Variants in PCLO observed in about 807,000 individuals in gnomAD.
The protein encoded by PCLO is piccolo presynaptic cytomatrix protein.
Under a neutral mutation model 427.5 loss-of-function variants are expected in PCLO, and 82 were observed. That is an observed-to-expected ratio of 0.19 (90% CI 0.16 to 0.23). The LOEUF is 0.23. Among genes scored for constraint, PCLO ranks in the 10% least tolerant of loss-of-function variants. The pLI, the probability that PCLO is intolerant of heterozygous loss-of-function variation, is 1.00. For missense variants in PCLO, 6,239 were observed against 6,115.9 expected, an observed-to-expected ratio of 1.02 and a Z score of -0.67; for synonymous variants, 2,357 against 2,155.4, an observed-to-expected ratio of 1.09 and a Z score of -2.59.
At chr7:82,946,963 A>C (rs2116405059) in intron 6 of PCLO, among the ~76,000 whole-genome samples, 1 of 152,312 alleles carries the variant, frequency 6.6e-6, no homozygotes. Flanking sequence ...TAGCCACAGG[A>C]AGTAAATCCA....
In PCLO at chr7:82,955,165, C is replaced by T. The variant is rs865949399; in HGVS notation, c.5788G>A (p.Ala1930Thr). The T allele has an allele frequency of 6.2e-7, 1 of 1,613,760 alleles. No homozygotes were observed. The highest frequency in any genetic ancestry group is 1.7e-5 in the Admixed American group (1 of 60,010). ...EMMHKTHKYK[A>T]FPAANERDEV... is the part of the protein sequence containing the mutation. ...TCTCGTTCATTTGCAGCTGGAAAAG[C>T]TTTGTATTTGTGTGTTTTATGCATC... The change falls in exon 5 of 25, where the codon GCT becomes ACT. Residue 1930 changes from alanine to threonine, a missense_variant. Physicochemically the swap from Ala to Thr is moderately conservative, Grantham distance 58. Coordinates refer to ENST00000333891, the MANE Select transcript of PCLO (RefSeq NM_033026.6).
chr7:83,093,552 G>A (rs1272452108), intron 3 of PCLO, among the ~76,000 whole-genome samples: 1 of 140,664 alleles, frequency 7.1e-6, no homozygotes, highest in Non-Finnish European at 1.5e-5. Flanking sequence ...GAGTGCAGTG[G>A]CGTGATCTCC....
At position 83,158,327 on chromosome 7, in the gene PCLO, T is replaced by G. The variant is rs1304497044; in HGVS notation, c.249-1935A>C. Among the ~76,000 whole-genome samples the G allele has an allele frequency of 2.6e-5, 4 of 152,070 alleles. No individual in the cohort carries two copies. In the East Asian group the frequency reaches 5.8e-4, roughly 22 times the overall value. On this transcript the variant is annotated intron_variant, in intron 1 of 24. Transcript: ENST00000333891. Reference sequence around the variant, plus strand: ...GAGAAAATCATTCTGAACATTTCTTTATAGGTACACTATTCAGACCTTGAC... The same window carrying G: ...GAGAAAATCATTCTGAACATTTCTTGATAGGTACACTATTCAGACCTTGAC...
At position 83,026,937 on chromosome 7, in the gene PCLO, C is replaced by T. The variant is rs879722240; in HGVS notation, c.3301-60450G>A. On this transcript the variant is annotated intron_variant, in intron 3 of 24. Transcript: ENST00000333891. ...ACAAAGACACAACATACCAGAATCTCTGGGACGCATTCAAAGCAGTGTGTA... is the reference window on the plus strand; with the variant it reads ...ACAAAGACACAACATACCAGAATCTTTGGGACGCATTCAAAGCAGTGTGTA... Among the ~76,000 whole-genome samples the T allele has an allele frequency of 3.3e-4, 46 of 139,432 alleles. 1 individual carries two copies. The highest frequency in any genetic ancestry group is 2.7e-3 in the South Asian group (11 of 4,042). 91.5% of individuals were successfully genotyped at this position (139,432 alleles called of 152,430 possible).
chr7:83,041,768 G>A (rs978644299), intron 3 of PCLO, among the ~76,000 whole-genome samples: 3 of 151,998 alleles, frequency 2.0e-5, no homozygotes. Context: ...TCTTCATTTG[G>A]ATAACAGTTT....
At chr7:82,809,618 A>C (rs1791527418) in intron 20 of PCLO, among the ~76,000 whole-genome samples, 1 of 150,346 alleles carries the variant, frequency 6.7e-6, no homozygotes, top group Non-Finnish European at 1.5e-5. Context: ...TAATAATAAT[A>C]CATTAATACT....
intron 20 of PCLO, among the ~76,000 whole-genome samples, chr7:82,807,964 T>TA (rs1445413359): frequency 3.3e-5 from 5 of 151,802 alleles, no homozygotes; most frequent in African/African-American, 7.3e-5. Context: ...TAGTTAGTGT[T>TA]AAAAAAAACT....
At chr7:82,760,943 CTTTTTTTTTTTTTTT>C (rs767222339) in intron 23 of PCLO, among the ~76,000 whole-genome samples, 159 bp from the exon 24 acceptor site, 6 of 60,370 alleles carry the variant, frequency 9.9e-5, no homozygotes, top group Non-Finnish European at 1.8e-4. Context: ...AAAGATATGT[CTTTTTTTTTTTTTTT>C]TTTTTTTTTT....
intron 1 of PCLO, among the ~76,000 whole-genome samples, chr7:83,156,642 A>C (rs1792310059): frequency 6.6e-6 from 1 of 151,696 alleles, no homozygotes; most frequent in Non-Finnish European, 1.5e-5. Flanking sequence ...AGTGATAAAA[A>C]TTAAAATATA....
chr7:82,877,224 C>A (rs1043920380), intron 10 of PCLO, among the ~76,000 whole-genome samples: 1 of 151,764 alleles, frequency 6.6e-6, no homozygotes, highest in African/African-American at 2.4e-5. Flanking sequence ...GAATATACTG[C>A]GTTGATATTG....
intron 3 of PCLO, among the ~76,000 whole-genome samples, chr7:83,013,671 G>A (rs1050977861): frequency 1.3e-5 from 2 of 152,102 alleles, no homozygotes; most frequent in Admixed American, 6.6e-5. Flanking sequence ...TCAATCCAGA[G>A]AAAAAGACTT....
chr7:82,951,037 A>G lies in PCLO; in HGVS notation c.9551T>C (p.Leu3184Ser). 1 of 1,613,918 alleles carries G rather than the reference A, an allele frequency of 6.2e-7. No individual in the cohort carries two copies. Among genetic ancestry groups the G allele is most frequent in the Non-Finnish European group, 8.5e-7 (1 of 1,179,840 alleles). Residue 3184 changes from leucine to serine, a missense_variant, in exon 6 of 25, where the codon TTA (leucine) becomes TCA (serine). This residue lies in a region of PCLO where 4,677 missense variants were observed against 4,468.4 expected (regional missense o/e 1.05). Coordinates refer to ENST00000333891, the MANE Select transcript of PCLO (RefSeq NM_033026.6). ...AGGAAACACTTCGGATGCTGTGGTT[A>G]AAGTGGGAACAGAGTCTATCGTCTC... Reference protein sequence around the residue: ...TAETIDSVPTLTTASEVFPEV... With the variant: ...TAETIDSVPTSTTASEVFPEV...
chr7:82,882,264 GAATT>G (rs1793526503), intron 9 of PCLO, among the ~76,000 whole-genome samples: 1 of 152,074 alleles, frequency 6.6e-6, no homozygotes, highest in South Asian at 2.1e-4. Context: ...AATACCAATA[GAATT>G]TTTTGTAAAC....
intron 4 of PCLO, among the ~76,000 whole-genome samples, chr7:82,964,958 G>C (rs748131838): frequency 6.6e-6 from 1 of 152,044 alleles, no homozygotes; most frequent in Non-Finnish European, 1.5e-5. Context: ...TTAATTTCCT[G>C]GTAAGTCATT....
intron 1 of PCLO, among the ~76,000 whole-genome samples, chr7:83,157,876 A>C (rs1792339307): frequency 1.3e-5 from 2 of 152,064 alleles, no homozygotes; most frequent in South Asian, 4.1e-4. Flanking sequence ...ATAAAGATTT[A>C]TAGGTTCTAA....
rs1398391642 is a variant in PCLO, at chr7:82,952,460, A to G, written c.8493T>C (p.His2831=). 6.2e-7 allele frequency: 1 copy of G among 1,613,910 alleles called. No homozygotes were observed. Among genetic ancestry groups the G allele is most frequent in the Non-Finnish European group, 8.5e-7 (1 of 1,179,842 alleles). Residue 2831 remains histidine (H), a synonymous_variant, in exon 5 of 25, where the codon CAT becomes CAC. Coordinates refer to ENST00000333891, the MANE Select transcript of PCLO (RefSeq NM_033026.6). ...TTPLQLTTSK[H]AEPPYRIPSD... ...TTGGTATCCTGTATGGGGGCTCAGC[A>G]TGCTTTGATGTTGTAAGTTGGAGTG... is the stretch of plus-strand genomic sequence containing the variant.
chr7:83,060,677 T>C (rs1789521287), intron 3 of PCLO, among the ~76,000 whole-genome samples: 1 of 152,130 alleles, frequency 6.6e-6, no homozygotes, highest in South Asian at 2.1e-4. Flanking sequence ...TTCTCTTAGG[T>C]GTATAAAAGT....
rs10235352 is a variant in PCLO at position 82,966,119 on chromosome 7, T to A, written c.3669A>T (p.Glu1223Asp). The A allele has an allele frequency of 2.5e-3, 3,943 of 1,606,314 alleles. 83 individuals carry two copies. The African/African-American group carries it at 0.044, about 18-fold the overall frequency. The stretch of plus-strand genomic sequence containing the variant: ...TTTCTTCAGAACGTATCTTTTCTTC[T>A]TCAGGGATTAGTTTTTTTTCTTCAG... Reference protein sequence around the residue: ...PLPEEKKLIPEEEKIRSEEKK... With the variant: ...PLPEEKKLIPDEEKIRSEEKK... Residue 1223 changes from glutamate (E) to aspartate (D), a missense_variant, in exon 4 of 25, where the codon GAA becomes GAT. Physicochemically the swap from Glu to Asp is conservative, Grantham distance 45. This residue lies in a region of PCLO where 4,677 missense variants were observed against 4,468.4 expected (regional missense o/e 1.05). Transcript: ENST00000333891.
chr7:82,926,221 A>G (rs936675713), intron 6 of PCLO, among the ~76,000 whole-genome samples: 2 of 152,168 alleles, frequency 1.3e-5, no homozygotes, highest in Non-Finnish European at 2.9e-5. Context: ...GAAATAGTTT[A>G]ATAATTGTTT....
Sources: allele counts gnomAD v4.1 joint callset (sites outside exome capture counted in the v4.1 genomes callset), GRCh38; gene constraint gnomAD v4.1.1; regional missense constraint gnomAD v4.1.1; transcripts MANE v1.5; gene names NCBI Gene and HGNC (gene_info 2026-07-23, HGNC 2026-07-21).